The following HDAC4 variants were observed in gnomAD, a reference collection of about 807,000 sequenced individuals.
HDAC4 encodes the protein histone deacetylase 4, also known as histone deacetylase A.
HDAC4 carries 16 observed loss-of-function variants against 135.1 expected under a neutral mutation model. That is an observed-to-expected ratio of 0.12 (90% CI 0.08 to 0.18). The LOEUF is 0.18. Ranked by LOEUF, HDAC4 falls within the 10% of genes least tolerant of loss-of-function variation. The probability of loss-of-function intolerance (pLI) is 1.00; values close to 1 mark genes in which losing one functional copy is unlikely to be tolerated. For missense variants in HDAC4, 1,143 were observed against 1,511.8 expected (o/e 0.76, Z 4.05); for synonymous variants, 685 against 653.4 (o/e 1.05, Z -0.74).
At chr2:239,123,370 A>G (rs2039861317) in intron 12 of HDAC4, among the ~76,000 whole-genome samples, 1 of 148,602 alleles carries the variant, frequency 6.7e-6, no homozygotes, top group Admixed American at 6.6e-5. Context: ...CTGTCCGCTG[A>G]TGAGGGCTTG....
chr2:239,087,079 C>T (rs569668079), intron 19 of HDAC4, among the ~76,000 whole-genome samples: 2 of 152,310 alleles, frequency 1.3e-5, no homozygotes, highest in African/African-American at 2.4e-5. Context: ...CTGTATGGAC[C>T]GTCGGCAGTC....
chr2:239,327,829 G>A (rs774893133), intron 2 of HDAC4, among the ~76,000 whole-genome samples: 4 of 152,206 alleles, frequency 2.6e-5, no homozygotes, highest in Non-Finnish European at 5.9e-5. Flanking sequence ...GCCCTGCCTG[G>A]TTCCTGGCCC....
chr2:239,354,262 C>G (rs1693346665), intron 1 of HDAC4, among the ~76,000 whole-genome samples: 1 of 152,174 alleles, frequency 6.6e-6, no homozygotes, highest in South Asian at 2.1e-4. Context: ...GTTTCCTATT[C>G]CATGTGTGGA....
chr2:239,384,210 C>T (rs1240685445), intron 1 of HDAC4, among the ~76,000 whole-genome samples: 1 of 152,172 alleles, frequency 6.6e-6, no homozygotes, highest in African/African-American at 2.4e-5. Context: ...ATCAGCTGTT[C>T]GTAATCTGGG....
In HDAC4 at chr2:239,096,442, T is replaced by C. The variant is rs1198197833; in HGVS notation, c.2234-1386A>G. Among the ~76,000 whole-genome samples the C allele has an allele frequency of 4.2e-5, 4 of 94,224 alleles. No homozygotes were observed. In the East Asian group the frequency reaches 1.1e-3, roughly 25 times the overall value. The allele number at this position is 94,224 out of a possible 152,430, so 61.8% of individuals were successfully genotyped here. On this transcript the variant is annotated intron_variant, in intron 16 of 26. Transcript: ENST00000543185. ...CCCACCACGGACGACTGCACCCCCA[T>C]CACCCCACCACGGATGACTGCACCC...
intron 3 of HDAC4, among the ~76,000 whole-genome samples, chr2:239,202,721 CG>C (rs1269276291): frequency 6.6e-6 from 1 of 152,132 alleles, no homozygotes; most frequent in Non-Finnish European, 1.5e-5. Context: ...AAGGCTTCCT[CG>C]ATGGAGCTGT....
intron 11 of HDAC4, among the ~76,000 whole-genome samples, chr2:239,133,454 T>C (rs1397070670): frequency 6.6e-6 from 1 of 152,036 alleles, no homozygotes. Context: ...GGCAAGGGGG[T>C]AGGTAGCTGC....
intron 3 of HDAC4, among the ~76,000 whole-genome samples, chr2:239,199,377 C>T (rs1020455755): frequency 6.6e-6 from 1 of 152,160 alleles, no homozygotes; most frequent in Non-Finnish European, 1.5e-5. Flanking sequence ...CAGAGCTCTT[C>T]GAGTCCCATC....
intron 2 of HDAC4, among the ~76,000 whole-genome samples, chr2:239,330,898 C>T (rs901255019): frequency 3.9e-5 from 6 of 152,214 alleles, no homozygotes; most frequent in Non-Finnish European, 8.8e-5. Flanking sequence ...AAAGAGATCT[C>T]ACCCTCAGCC....
chr2:239,215,214 C>A (rs983184491), intron 3 of HDAC4, among the ~76,000 whole-genome samples: 14 of 152,306 alleles, frequency 9.2e-5, no homozygotes, highest in Admixed American at 3.3e-4. Context: ...GAAAAACCCA[C>A]CAAGGCACCT....
At chr2:239,334,068 C>T (rs1691759823) in intron 2 of HDAC4, among the ~76,000 whole-genome samples, 1 of 151,968 alleles carries the variant, frequency 6.6e-6, no homozygotes, top group African/African-American at 2.4e-5. Context: ...ATTAAAAACC[C>T]AAAAGAATAT....
intron 20 of HDAC4, 30 bp from the exon 21 acceptor site, chr2:239,082,251 C>A (rs2035410734): frequency 6.8e-6 from 11 of 1,614,112 alleles, no homozygotes; most frequent in Non-Finnish European, 9.3e-6. Flanking sequence ...TACTTCAGGG[C>A]TGAGGCAGGT....
chr2:239,326,906 C>T (rs1318226998), intron 2 of HDAC4, among the ~76,000 whole-genome samples: 2 of 152,214 alleles, frequency 1.3e-5, no homozygotes, highest in African/African-American at 4.8e-5. Flanking sequence ...CCCAAGCACA[C>T]AGAGGTCACC....
At chr2:239,188,105 C>T (rs2044672742) in intron 4 of HDAC4, among the ~76,000 whole-genome samples, 1 of 152,202 alleles carries the variant, frequency 6.6e-6, no homozygotes, top group Non-Finnish European at 1.5e-5. Context: ...CCCGTTCCCT[C>T]AAGGCCAGAG....
At chr2:239,221,460 C>T (rs1213055825) in intron 3 of HDAC4, among the ~76,000 whole-genome samples, 1 of 152,210 alleles carries the variant, frequency 6.6e-6, no homozygotes, top group Non-Finnish European at 1.5e-5. Context: ...GTGGCAGGAG[C>T]TTCGGAGACC....
intron 2 of HDAC4, among the ~76,000 whole-genome samples, chr2:239,252,937 G>A (rs1216836105): frequency 6.6e-6 from 1 of 152,166 alleles, no homozygotes; most frequent in Non-Finnish European, 1.5e-5. Flanking sequence ...GCGCTTCGCC[G>A]GCCACCGGTT....
At chr2:239,322,432 C>T (rs1213820490) in intron 2 of HDAC4, among the ~76,000 whole-genome samples, 1 of 152,224 alleles carries the variant, frequency 6.6e-6, no homozygotes. Flanking sequence ...TAGTAGGACC[C>T]ATCCGTAGGC....
At chr2:239,071,703 T>C (rs1559370972) in intron 22 of HDAC4, among the ~76,000 whole-genome samples, 1 of 152,120 alleles carries the variant, frequency 6.6e-6, no homozygotes, top group Non-Finnish European at 1.5e-5. Context: ...CATCTCCTGT[T>C]ATGACACTCA....
intron 1 of HDAC4, among the ~76,000 whole-genome samples, chr2:239,398,425 G>A (rs1031661274): frequency 2.0e-5 from 3 of 152,218 alleles, no homozygotes; most frequent in Admixed American, 6.5e-5. Flanking sequence ...AATGGAAGTC[G>A]ATTACTGGGC....
Sources: gnomAD v4.1 joint callset for allele counts (sites outside exome capture counted in the v4.1 genomes callset) on GRCh38, gnomAD v4.1.1 for gene constraint, MANE v1.5 for transcripts, NCBI Gene and HGNC (gene_info 2026-07-23, HGNC 2026-07-21) for gene names.